AFF3: variants seen among roughly 807,000 people sequenced by gnomAD.
AFF3 encodes ALF transcription elongation factor 3.
A neutral mutation model predicts 129.7 loss-of-function variants in AFF3; 32 were observed. The observed-to-expected ratio is 0.25, with a 90% CI of 0.19 to 0.33. The LOEUF (loss-of-function observed/expected upper bound fraction) is 0.33, where lower values mean the gene tolerates loss of function less well. AFF3 is among the 10% of genes least tolerant of loss of function. The probability of loss-of-function intolerance (pLI) is 1.00; values close to 1 mark genes in which losing one functional copy is unlikely to be tolerated. For synonymous variants in AFF3, 644 were observed against 635.4 expected (o/e 1.01, Z -0.20); for missense variants, 1,373 against 1,592.0 (o/e 0.86, Z 2.34).
chr2:99,604,968 C>T (rs559940975), intron 13 of AFF3, among the ~76,000 whole-genome samples: 1 of 152,326 alleles, frequency 6.6e-6, no homozygotes, highest in Non-Finnish European at 1.5e-5. Context: ...ACAGCAGAGG[C>T]AGCAAGGTGT....
chr2:99,847,236 C>T (rs1429214052), intron 7 of AFF3, among the ~76,000 whole-genome samples: 2 of 151,950 alleles, frequency 1.3e-5, no homozygotes, highest in Non-Finnish European at 2.9e-5. Flanking sequence ...AGTGCAATGG[C>T]GCTATCTTGG....
intron 4 of AFF3, among the ~76,000 whole-genome samples, chr2:100,015,821 AGTT>A (rs1225646526): frequency 3.3e-5 from 5 of 152,110 alleles, no homozygotes; most frequent in Admixed American, 2.6e-4. Context: ...TGAAGCTCTG[AGTT>A]GTTGTGGTTG....
chr2:99,960,805 A>G (rs935851242), intron 7 of AFF3, among the ~76,000 whole-genome samples: 2 of 152,148 alleles, frequency 1.3e-5, no homozygotes, highest in Non-Finnish European at 1.5e-5. Flanking sequence ...AGCAGTGCAC[A>G]TGGAAGAGGA....
chr2:99,688,215 C>T (rs1351154368), intron 11 of AFF3, among the ~76,000 whole-genome samples: 1 of 152,174 alleles, frequency 6.6e-6, no homozygotes, highest in Admixed American at 6.5e-5. Flanking sequence ...TACTAGTCAA[C>T]TGTTCCTGAA....
At chr2:99,988,897 G>A (rs1680102495) in intron 7 of AFF3, among the ~76,000 whole-genome samples, 1 of 152,192 alleles carries the variant, frequency 6.6e-6, no homozygotes, top group Admixed American at 6.5e-5. Flanking sequence ...GTCTGGTAAT[G>A]ATATGGAGGT....
chr2:99,810,501 C>G (rs1370464768), intron 8 of AFF3, among the ~76,000 whole-genome samples: 1 of 152,242 alleles, frequency 6.6e-6, no homozygotes, highest in Admixed American at 6.5e-5. Flanking sequence ...AGTACAAATA[C>G]CTGGGCAAAC....
In AFF3 at chr2:99,593,913, G is replaced by A. The variant is rs1464909036; in HGVS notation, c.1748C>T (p.Ala583Val). ...GGTGCGCCTGGTGGGCTTCTTGCCC[G>A]CGGACCTCCGGGCAGGCGCGGGCGC... ...ENAPAPARRS[A>V]GKKPTRRTER... Residue 583 changes from alanine to valine, a missense_variant, in exon 15 of 25, where the codon GCG becomes GTG. Physicochemically the swap from Ala to Val is moderately conservative, Grantham distance 64 (BLOSUM62 0). Coordinates refer to ENST00000672756, the MANE Select transcript of AFF3 (RefSeq NM_001386135.1). 1 of 1,430,642 alleles carries A rather than the reference G, an allele frequency of 7.0e-7. No homozygotes were observed. Among genetic ancestry groups the A allele is most frequent in the East Asian group, 2.7e-5 (1 of 37,246 alleles). 88.6% of individuals were successfully genotyped at this position (1,430,642 alleles called of 1,614,324 possible).
intron 4 of AFF3, among the ~76,000 whole-genome samples, chr2:100,017,418 A>G (rs1002126430): frequency 6.6e-6 from 1 of 152,060 alleles, no homozygotes; most frequent in African/African-American, 2.4e-5. Context: ...TCTTGAAAAT[A>G]TTTTCTGGGA....
intron 15 of AFF3, among the ~76,000 whole-genome samples, chr2:99,590,327 A>T (rs530709012): frequency 1.1e-4 from 16 of 152,258 alleles, no homozygotes; most frequent in Non-Finnish European, 2.1e-4. Context: ...TGCCCTGCAG[A>T]AACAGGCAGG....
chr2:99,677,662 T>C (rs1042794384), intron 11 of AFF3, among the ~76,000 whole-genome samples: 1 of 152,154 alleles, frequency 6.6e-6, no homozygotes, highest in African/African-American at 2.4e-5. Flanking sequence ...ACAATGGGAC[T>C]TTCATTCAGA....
intron 4 of AFF3, among the ~76,000 whole-genome samples, chr2:100,057,118 C>T (rs1377064916): frequency 1.3e-5 from 2 of 152,008 alleles, no homozygotes; most frequent in Non-Finnish European, 1.5e-5. Context: ...ATCAGGAGTT[C>T]GAGACCAGCG....
rs1330668170 is a variant in AFF3, at chr2:99,757,643, A to G, written c.922-5342T>C. Among the ~76,000 whole-genome samples the G allele has an allele frequency of 3.3e-5, 5 of 152,206 alleles. No individual in the cohort carries two copies. In the East Asian group the frequency reaches 9.6e-4, roughly 29 times the overall value. On this transcript the variant is annotated intron_variant, in intron 8 of 24. Transcript: ENST00000672756. ...GTTCACCCAGCAGCTGGACTTAACC[A>G]TATCCTGGGCTACCTCTAAGTGGAT...
chr2:99,894,692 G>A (rs1395809457), intron 7 of AFF3, among the ~76,000 whole-genome samples: 4 of 151,950 alleles, frequency 2.6e-5, no homozygotes, highest in Non-Finnish European at 4.4e-5. Context: ...AGCCAGGATG[G>A]TCTCGATCTC....
intron 8 of AFF3, among the ~76,000 whole-genome samples, chr2:99,805,843 C>T (rs73964316): frequency 0.024 from 3,637 of 151,920 alleles, 86 homozygotes; most frequent in African/African-American, 0.059. Context: ...CACACACACA[C>T]ACACACACGA....
chr2:99,680,204 G>T (rs1433216279), intron 11 of AFF3, among the ~76,000 whole-genome samples: 1 of 152,070 alleles, frequency 6.6e-6, no homozygotes, highest in Non-Finnish European at 1.5e-5. Flanking sequence ...AGGGAAAGAG[G>T]GCTGGATATA....
chr2:100,082,604 T>C (rs1689119304), intron 4 of AFF3, among the ~76,000 whole-genome samples: 1 of 152,166 alleles, frequency 6.6e-6, no homozygotes, highest in Admixed American at 6.5e-5. Context: ...GTTAAAGCTG[T>C]TGTGTGATAA....
chr2:100,064,790 G>A lies in AFF3; in HGVS notation c.53+39612C>T, dbSNP rs77203354. ...CTCCATCCCATTTCTAATATGCAACGTATTAACTGCCAACTCATTGTGAAA... is the reference window on the plus strand; with the variant it reads ...CTCCATCCCATTTCTAATATGCAACATATTAACTGCCAACTCATTGTGAAA... On this transcript the variant is annotated intron_variant, in intron 4 of 24. Transcript: ENST00000672756. Among the ~76,000 whole-genome samples, 770 of 152,252 alleles carry A rather than the reference G, an allele frequency of 5.1e-3. 9 individuals are homozygous for A. Among genetic ancestry groups the A allele is most frequent in the African/African-American group, 0.017 (722 of 41,548 alleles).
At chr2:100,066,736 T>C (rs1201830985) in intron 4 of AFF3, among the ~76,000 whole-genome samples, 3 of 152,222 alleles carry the variant, frequency 2.0e-5, no homozygotes, top group Non-Finnish European at 4.4e-5. Context: ...AAACACTCTC[T>C]TCCATCTTAG....
At chr2:100,109,103 A>AG (rs1466752956) in intron 2 of AFF3, among the ~76,000 whole-genome samples, 1 of 151,498 alleles carries the variant, frequency 6.6e-6, no homozygotes, top group Non-Finnish European at 1.5e-5. Context: ...GAGAAAAGAG[A>AG]GGGGAAAATG....
Sources: allele counts gnomAD v4.1 joint callset (sites outside exome capture counted in the v4.1 genomes callset), GRCh38; gene constraint gnomAD v4.1.1; transcripts MANE v1.5; gene names NCBI Gene and HGNC (gene_info 2026-07-23, HGNC 2026-07-21).